Variants in DCAF6 observed in about 807,000 individuals in gnomAD.
DCAF6 encodes DDB1 and CUL4 associated factor 6.
A neutral mutation model predicts 125.1 loss-of-function variants in DCAF6; 54 were observed. The observed-to-expected ratio is 0.43, with a 90% confidence interval of 0.35 to 0.54. The LOEUF is 0.54. Among genes scored for constraint, DCAF6 ranks in the 20% least tolerant of loss-of-function variants. The probability of loss-of-function intolerance (pLI) is 0.01; values close to 1 mark genes in which losing one functional copy is unlikely to be tolerated. For missense variants in DCAF6, 934 were observed against 1,161.7 expected (o/e 0.80, Z 2.85); for synonymous variants, 371 against 390.4 (o/e 0.95, Z 0.58).
the DCAF6 span, among the ~76,000 whole-genome samples, chr1:167,902,814 G>T: frequency 6.6e-6 from 1 of 152,172 alleles, no homozygotes; most frequent in East Asian, 1.9e-4. Flanking sequence ...GGTTGACAAG[G>T]GGACTAAAGT....
chr1:167,887,911 A>G, the DCAF6 span, among the ~76,000 whole-genome samples: 7 of 152,190 alleles, frequency 4.6e-5, no homozygotes, highest in Admixed American at 1.3e-4. Flanking sequence ...TTCTTGTAGT[A>G]GTTTCATGGT....
chr1:167,963,078 G>A (rs759838122), intron 2 of DCAF6, among the ~76,000 whole-genome samples: 4 of 152,008 alleles, frequency 2.6e-5, no homozygotes, highest in Non-Finnish European at 4.4e-5. Context: ...TGGGCAACAT[G>A]GTGAAACCCT....
At chr1:168,062,497 T>C (rs1691724384) in intron 17 of DCAF6, among the ~76,000 whole-genome samples, 1 of 152,168 alleles carries the variant, frequency 6.6e-6, no homozygotes, top group African/African-American at 2.4e-5. Context: ...CATTCTGATA[T>C]ACATAAAAGT....
intron 3 of DCAF6, among the ~76,000 whole-genome samples, chr1:167,972,109 G>C (rs142817166): frequency 6.6e-6 from 1 of 152,300 alleles, no homozygotes; most frequent in Admixed American, 6.5e-5. Flanking sequence ...AGCTGCCTTG[G>C]CCTCCCAAAG....
chr1:167,990,149 A>G, intron 5 of DCAF6, among the ~76,000 whole-genome samples: 1 of 152,306 alleles, frequency 6.6e-6, no homozygotes, highest in East Asian at 1.9e-4. Context: ...CAGTGATTAC[A>G]ATTAAAATAT....
chr1:168,074,668 C>A lies in DCAF6; in HGVS notation c.2792-703C>A, dbSNP rs181852730. 3.2e-3 allele frequency among the ~76,000 whole-genome samples: 494 copies of A among 152,228 alleles called. 4 individuals carry two copies. The highest frequency in any genetic ancestry group is 0.012 in the African/African-American group (481 of 41,550). ...ATTCTAGAATGTGGAGGAGGGAGTT[C>A]ATAATTCTGCAGATAGCCTGTTTGG... On this transcript the variant is annotated intron_variant, in intron 21 of 21. Coordinates refer to ENST00000367840, the MANE Select transcript of DCAF6 (RefSeq NM_001198956.2).
At chr1:168,011,716 G>A (rs1684309147) in intron 10 of DCAF6, among the ~76,000 whole-genome samples, 1 of 152,148 alleles carries the variant, frequency 6.6e-6, no homozygotes, top group African/African-American at 2.4e-5. Context: ...GGTAGCTCAT[G>A]CCTGTAATCC....
chr1:167,867,578 G>C, the DCAF6 span, among the ~76,000 whole-genome samples: 3,292 of 152,214 alleles, frequency 0.022, 92 homozygotes, highest in African/African-American at 0.068. Context: ...CCAACCTGAT[G>C]TGTGTTATGA....
the DCAF6 span, chr1:167,918,418 GGA>G: frequency 9.2e-7 from 1 of 1,085,854 alleles, no homozygotes; most frequent in East Asian, 2.5e-5. Flanking sequence ...TTTATGGTAA[GGA>G]GAGAATGGGA....
At chr1:167,955,282 A>G (rs1674600359) in intron 2 of DCAF6, among the ~76,000 whole-genome samples, 1 of 152,136 alleles carries the variant, frequency 6.6e-6, no homozygotes, top group African/African-American at 2.4e-5. Flanking sequence ...TTCTTTTTTG[A>G]TAAATACCTT....
At chr1:168,062,159 TG>T (rs1209111326) in intron 17 of DCAF6, among the ~76,000 whole-genome samples, 1 of 152,062 alleles carries the variant, frequency 6.6e-6, no homozygotes, top group Non-Finnish European at 1.5e-5. Flanking sequence ...ATAAAAAAAA[TG>T]TATTATTCCA....
the DCAF6 span, among the ~76,000 whole-genome samples, chr1:167,913,350 T>C: frequency 6.6e-6 from 1 of 152,204 alleles, no homozygotes; most frequent in Non-Finnish European, 1.5e-5. Context: ...AATTTCCTAA[T>C]AGATTTTATA....
At chr1:168,028,233 C>T (rs990381459) in intron 12 of DCAF6, among the ~76,000 whole-genome samples, 1 of 152,070 alleles carries the variant, frequency 6.6e-6, no homozygotes, top group Non-Finnish European at 1.5e-5. Flanking sequence ...TAAAACTTAA[C>T]AAATTTTTCC....
At chr1:168,002,843 CA>C (rs774401588) in intron 8 of DCAF6, among the ~76,000 whole-genome samples, 1 of 152,044 alleles carries the variant, frequency 6.6e-6, no homozygotes. Flanking sequence ...TAAGAATGCC[CA>C]TTACCCCATA....
At chr1:168,004,448 A>T in intron 9 of DCAF6, 85 bp from the exon 10 acceptor site, 1 of 1,335,404 alleles carries the variant, frequency 7.5e-7, no homozygotes, top group Non-Finnish European at 1.0e-6. Flanking sequence ...GTAAATATAA[A>T]TGTGTTTTCT....
rs573909372 is a variant in DCAF6 at position 167,961,328 on chromosome 1, C to T, written c.160-5301C>T. Reference sequence around the variant, plus strand: ...CGCGATCTCGGCTCAATGCAAGCTCCGCCTCCCGGGTTCATGCCATTCTTC... The same window carrying T: ...CGCGATCTCGGCTCAATGCAAGCTCTGCCTCCCGGGTTCATGCCATTCTTC... On this transcript the variant is annotated intron_variant, in intron 2 of 21. Transcript: ENST00000367840. Among the ~76,000 whole-genome samples, 12 of 152,132 alleles carry T rather than the reference C, an allele frequency of 7.9e-5. No individual in the cohort carries two copies. In the South Asian group the frequency reaches 1.9e-3, roughly 24 times the overall value.
chr1:168,015,735 C>A, intron 10 of DCAF6, 46 bp from the exon 11 acceptor site: 1 of 1,364,546 alleles, frequency 7.3e-7, no homozygotes, highest in Non-Finnish European at 9.6e-7. Context: ...TTATTATTTT[C>A]TATTTTATTA....
intron 16 of DCAF6, among the ~76,000 whole-genome samples, 199 bp from the exon 17 acceptor site, chr1:168,050,693 G>A (rs892853643): frequency 6.6e-6 from 1 of 152,110 alleles, no homozygotes; most frequent in Non-Finnish European, 1.5e-5. Flanking sequence ...TTCAATGAGT[G>A]TTTCTGTTTC....
At chr1:167,863,797 C>T in the DCAF6 span, among the ~76,000 whole-genome samples, 7 of 152,202 alleles carry the variant, frequency 4.6e-5, no homozygotes, top group African/African-American at 7.2e-5. Flanking sequence ...GGCTGAACAC[C>T]GGGAAGGAAT....
Sources: gnomAD v4.1 joint callset for allele counts (sites outside exome capture counted in the v4.1 genomes callset) on GRCh38, gnomAD v4.1.1 for gene constraint, MANE v1.5 for transcripts, NCBI Gene and HGNC (gene_info 2026-07-23, HGNC 2026-07-21) for gene names.